Variants in ZNF407 observed in about 807,000 individuals in gnomAD.
ZNF407 encodes zinc finger protein 407.
A neutral mutation model predicts 131.2 loss-of-function variants in ZNF407; 17 were observed. The observed-to-expected ratio is 0.13, with a 90% CI of 0.09 to 0.19. The LOEUF is 0.19. Among genes scored for constraint, ZNF407 ranks in the 10% least tolerant of loss-of-function variants. ZNF407 has a pLI of 1.00. For synonymous variants in ZNF407, 1,156 were observed against 1,062.0 expected, an observed-to-expected ratio of 1.09 and a Z score of -1.72; for missense variants, 2,681 against 2,830.6, an observed-to-expected ratio of 0.95 and a Z score of 1.20.
chr18:74,706,677 A>T (rs2144835281), intron 3 of ZNF407, among the ~76,000 whole-genome samples: 1 of 152,314 alleles, frequency 6.6e-6, no homozygotes, highest in Non-Finnish European at 1.5e-5. Flanking sequence ...GAATGCTTTG[A>T]AGAAAAATAA....
intron 3 of ZNF407, among the ~76,000 whole-genome samples, chr18:74,708,661 G>C (rs1967684134): frequency 6.6e-6 from 1 of 152,224 alleles, no homozygotes; most frequent in South Asian, 2.1e-4. Flanking sequence ...GGAGCAGCCT[G>C]GTGTGATGGC....
intron 8 of ZNF407, among the ~76,000 whole-genome samples, chr18:74,959,897 A>G (rs1171631934): frequency 6.6e-6 from 1 of 152,228 alleles, no homozygotes; most frequent in Non-Finnish European, 1.5e-5. Context: ...TGTTGAAATG[A>G]GTAGACATTT....
chr18:74,937,552 C>A (rs1972052437), intron 8 of ZNF407, among the ~76,000 whole-genome samples: 1 of 152,106 alleles, frequency 6.6e-6, no homozygotes, highest in African/African-American at 2.4e-5. Context: ...CAGGGTTCGA[C>A]CACAGAAGCA....
intron 4 of ZNF407, among the ~76,000 whole-genome samples, chr18:74,874,355 T>C (rs564812744): frequency 6.6e-6 from 1 of 152,358 alleles, no homozygotes; most frequent in Admixed American, 6.5e-5. Flanking sequence ...CTCTTTAATA[T>C]ACTGTAAATT....
At chr18:74,733,112 C>T (rs1349310478) in intron 3 of ZNF407, among the ~76,000 whole-genome samples, 1 of 151,616 alleles carries the variant, frequency 6.6e-6, no homozygotes, top group East Asian at 1.9e-4. Flanking sequence ...TAGTTTTTGT[C>T]TCTTTGGCTT....
At chr18:75,047,541 T>G (rs925018103) in intron 8 of ZNF407, among the ~76,000 whole-genome samples, 1 of 152,224 alleles carries the variant, frequency 6.6e-6, no homozygotes, top group African/African-American at 2.4e-5. Flanking sequence ...AGAGGATTTT[T>G]TTTTCCCTTC....
At chr18:74,870,680 C>G (rs1971074006) in intron 4 of ZNF407, among the ~76,000 whole-genome samples, 1 of 152,166 alleles carries the variant, frequency 6.6e-6, no homozygotes, top group Non-Finnish European at 1.5e-5. Context: ...TTTGTACACA[C>G]ACGTACACAC....
chr18:74,887,724 T>G (rs1221404170), intron 6 of ZNF407, among the ~76,000 whole-genome samples: 3 of 152,174 alleles, frequency 2.0e-5, no homozygotes, highest in Non-Finnish European at 4.4e-5. Context: ...CTGTGTTAAG[T>G]GTACTCTTTC....
Position 74,614,881 on chromosome 18 carries a change from A to C in ZNF407, c.-53-16086A>C, listed in dbSNP as rs1384290492. 2.6e-5 allele frequency among the ~76,000 whole-genome samples: 4 copies of C among 152,180 alleles called. No individual in the cohort carries two copies. The East Asian group carries it at 7.7e-4, about 29-fold the overall frequency. On this transcript the variant is annotated intron_variant, in intron 1 of 8. Coordinates refer to ENST00000299687, the MANE Select transcript of ZNF407 (RefSeq NM_017757.3). ...GAATGGCAGAATGACAAGCAACATG[A>C]TCATTTTTGGAATGATGTGTGGCAG...
chr18:75,006,413 A>G (rs1401486179), intron 8 of ZNF407, among the ~76,000 whole-genome samples: 1 of 152,188 alleles, frequency 6.6e-6, no homozygotes, highest in African/African-American at 2.4e-5. Context: ...TAGAGGTCCT[A>G]AATTTCCCTC....
chr18:74,669,964 A>G (rs1017915228), intron 3 of ZNF407, among the ~76,000 whole-genome samples: 1 of 152,214 alleles, frequency 6.6e-6, no homozygotes, highest in Non-Finnish European at 1.5e-5. Flanking sequence ...CTCTCTGAGG[A>G]GAGCCCATTC....
chr18:74,632,875 C>G lies in ZNF407; in HGVS notation c.1856C>G (p.Pro619Arg), dbSNP rs756960606. Residue 619 changes from proline to arginine, a missense_variant, in exon 2 of 9, where the codon CCT becomes CGT. Physicochemically the swap from Pro to Arg is moderately radical, Grantham distance 103. This residue lies in a region of ZNF407 where 1,789 missense variants were observed against 1,748.7 expected (regional missense o/e 1.02). Transcript: ENST00000299687. ...EKHNMHFLCT[P>R]CNLFFLSEKD... The stretch of plus-strand genomic sequence containing the variant: ...CACAATATGCATTTTCTTTGCACCC[C>G]TTGTAATCTGTTCTTTTTGTCTGAA... The G allele has an allele frequency of 6.2e-7, 1 of 1,613,458 alleles. No individual in the cohort carries two copies. The highest frequency in any genetic ancestry group is 1.7e-5 in the Admixed American group (1 of 60,020).
intron 1 of ZNF407, among the ~76,000 whole-genome samples, chr18:74,616,795 A>T (rs983325630): frequency 1.8e-5 from 2 of 113,682 alleles, no homozygotes; most frequent in Non-Finnish European, 3.8e-5. Context: ...TCCACGCACC[A>T]TACACATCCA....
intron 4 of ZNF407, among the ~76,000 whole-genome samples, chr18:74,868,699 C>A (rs555338062): frequency 6.6e-6 from 1 of 152,206 alleles, no homozygotes; most frequent in East Asian, 1.9e-4. Context: ...TCCATCACAC[C>A]ACTTGGCTCT....
chr18:74,612,723 CTG>C (rs1983117667), intron 1 of ZNF407, among the ~76,000 whole-genome samples: 1 of 152,168 alleles, frequency 6.6e-6, no homozygotes, highest in African/African-American at 2.4e-5. Flanking sequence ...TGCAGTGACT[CTG>C]TGGGGTAGGC....
chr18:74,702,783 T>G (rs1456704758), intron 3 of ZNF407, among the ~76,000 whole-genome samples: 2 of 152,200 alleles, frequency 1.3e-5, no homozygotes, highest in Non-Finnish European at 2.9e-5. Context: ...ACATATACAC[T>G]GATACATAGA....
At chr18:74,839,117 T>C (rs1394079279) in intron 4 of ZNF407, among the ~76,000 whole-genome samples, 1 of 152,216 alleles carries the variant, frequency 6.6e-6, no homozygotes, top group Non-Finnish European at 1.5e-5. Context: ...CTTTCATGTA[T>C]CATGCTGATA....
intron 6 of ZNF407, among the ~76,000 whole-genome samples, chr18:74,882,945 A>G (rs1311062775): frequency 1.3e-5 from 2 of 152,218 alleles, no homozygotes; most frequent in South Asian, 2.1e-4. Context: ...CCCACCTGGT[A>G]TGGCCCCAGG....
At chr18:74,734,725 A>C (rs1268751055) in intron 3 of ZNF407, among the ~76,000 whole-genome samples, 2 of 150,598 alleles carry the variant, frequency 1.3e-5, no homozygotes, top group African/African-American at 4.9e-5. Context: ...GAGAGAATCA[A>C]AGATTCAAGG....
Sources: gnomAD v4.1 joint callset for allele counts (sites outside exome capture counted in the v4.1 genomes callset) on GRCh38, gnomAD v4.1.1 for gene constraint, gnomAD v4.1.1 regional missense constraint, MANE v1.5 for transcripts, NCBI Gene and HGNC (gene_info 2026-07-23, HGNC 2026-07-21) for gene names.